PARD3: variants seen among roughly 807,000 people sequenced by gnomAD.
The protein encoded by PARD3 is partitioning defective 3 homolog.
A neutral mutation model predicts 155.4 loss-of-function variants in PARD3; 75 were observed. That is an observed-to-expected ratio of 0.48 (90% CI 0.40 to 0.58). The LOEUF (loss-of-function observed/expected upper bound fraction) is 0.58. Among genes scored for constraint, PARD3 ranks in the 20% least tolerant of loss-of-function variants. PARD3 has a pLI of 0.00. For missense variants in PARD3, 1,642 were observed against 1,721.7 expected, an observed-to-expected ratio of 0.95 and a Z score of 0.82; for synonymous variants, 576 against 610.5, an observed-to-expected ratio of 0.94 and a Z score of 0.83.
At chr10:34,485,275 C>T (rs532202162) in intron 3 of PARD3, among the ~76,000 whole-genome samples, 5 of 151,452 alleles carry the variant, frequency 3.3e-5, no homozygotes, top group Non-Finnish European at 7.4e-5. Context: ...GAGGCAGAGG[C>T]GGCAGTGAGC....
intron 1 of PARD3, among the ~76,000 whole-genome samples, chr10:34,791,839 C>T (rs1045555575): frequency 1.3e-5 from 2 of 149,342 alleles, no homozygotes; most frequent in Non-Finnish European, 1.5e-5. Context: ...GACCCTGCCT[C>T]GTTTAAAAAA....
At chr10:34,339,501 A>G (rs1255657084) in intron 16 of PARD3, among the ~76,000 whole-genome samples, 3 of 152,220 alleles carry the variant, frequency 2.0e-5, no homozygotes, top group African/African-American at 4.8e-5. Context: ...GTCACTGCCA[A>G]TCTCGCCTGA....
intron 1 of PARD3, among the ~76,000 whole-genome samples, chr10:34,731,295 T>C (rs1255829105): frequency 6.6e-6 from 1 of 152,346 alleles, no homozygotes; most frequent in East Asian, 1.9e-4. Flanking sequence ...AGACCCTCAG[T>C]TGCCTACAGA....
rs116919560 is a variant in PARD3, at chr10:34,418,911, C to T, written c.715-16994G>A. 6.1e-5 allele frequency among the ~76,000 whole-genome samples: 9 copies of T among 147,352 alleles called. No homozygotes were observed. The East Asian group carries it at 1.8e-3, about 29-fold the overall frequency. On this transcript the variant is annotated intron_variant, in intron 5 of 24. Transcript: ENST00000374788. ...TCTGCCTCCTGAATAGCTGGAACTA[C>T]AGGCACATGTCACCATAACAGGCTA...
At chr10:34,181,192 T>C (rs1047068642) in intron 22 of PARD3, among the ~76,000 whole-genome samples, 1 of 152,164 alleles carries the variant, frequency 6.6e-6, no homozygotes, top group Non-Finnish European at 1.5e-5. Flanking sequence ...GAATATTCTG[T>C]AGTGGATTTT....
intron 22 of PARD3, among the ~76,000 whole-genome samples, chr10:34,217,086 G>A (rs1372529994): frequency 6.6e-6 from 1 of 152,096 alleles, no homozygotes; most frequent in Non-Finnish European, 1.5e-5. Context: ...TAGTGTGATA[G>A]TGTGGGTGAT....
chr10:34,624,665 T>C (rs1467941131), intron 2 of PARD3, among the ~76,000 whole-genome samples: 4 of 152,146 alleles, frequency 2.6e-5, no homozygotes, highest in Non-Finnish European at 5.9e-5. Context: ...GACAGGAGGA[T>C]GATGGTGGAG....
At chr10:34,197,845 C>A (rs1388222260) in intron 22 of PARD3, among the ~76,000 whole-genome samples, 1 of 152,134 alleles carries the variant, frequency 6.6e-6, no homozygotes, top group Non-Finnish European at 1.5e-5. Flanking sequence ...TTCTCCTGCC[C>A]CAGCCTCCCG....
intron 3 of PARD3, among the ~76,000 whole-genome samples, chr10:34,477,990 C>T (rs1442697312): frequency 6.6e-6 from 1 of 152,192 alleles, no homozygotes; most frequent in Non-Finnish European, 1.5e-5. Flanking sequence ...CAAAACCAAC[C>T]TTCAGATATG....
At chr10:34,352,365 T>G (rs1264186674) in intron 14 of PARD3, among the ~76,000 whole-genome samples, 2 of 152,050 alleles carry the variant, frequency 1.3e-5, no homozygotes, top group Non-Finnish European at 2.9e-5. Flanking sequence ...CCCCTCTCCC[T>G]CCACTTTCCA....
intron 20 of PARD3, among the ~76,000 whole-genome samples, chr10:34,302,831 G>A (rs546483603): frequency 6.6e-6 from 1 of 152,028 alleles, no homozygotes; most frequent in East Asian, 1.9e-4. Context: ...TCTAGTCTGC[G>A]CTAGGCCCAT....
At chr10:34,241,627 A>G (rs2133659792) in intron 22 of PARD3, among the ~76,000 whole-genome samples, 1 of 152,330 alleles carries the variant, frequency 6.6e-6, no homozygotes, top group East Asian at 1.9e-4. Context: ...CACAGCTGCA[A>G]TGAAGGGCCA....
chr10:34,646,932 T>C (rs2092856261), intron 2 of PARD3, among the ~76,000 whole-genome samples: 1 of 152,154 alleles, frequency 6.6e-6, no homozygotes, highest in Non-Finnish European at 1.5e-5. Context: ...ATTACTGTCT[T>C]CCTCCCCAAA....
intron 1 of PARD3, among the ~76,000 whole-genome samples, chr10:34,783,821 T>A (rs1840592836): frequency 6.6e-6 from 1 of 152,130 alleles, no homozygotes; most frequent in Admixed American, 6.6e-5. Context: ...TTTTTTTTTC[T>A]AACTACTTGG....
At chr10:34,338,282 A>C (rs1836415095) in intron 16 of PARD3, among the ~76,000 whole-genome samples, 1 of 152,220 alleles carries the variant, frequency 6.6e-6, no homozygotes, top group African/African-American at 2.4e-5. Flanking sequence ...GTGTTCCTCC[A>C]ACGCAAGTGG....
chr10:34,417,562 GATTA>G (rs1034196798), intron 5 of PARD3, among the ~76,000 whole-genome samples: 5 of 152,116 alleles, frequency 3.3e-5, no homozygotes, highest in African/African-American at 9.7e-5. Flanking sequence ...GAAGGTAATG[GATTA>G]ATTATTTTCA....
chr10:34,516,639 C>T (rs545192231), intron 3 of PARD3, among the ~76,000 whole-genome samples: 4 of 152,192 alleles, frequency 2.6e-5, no homozygotes, highest in Non-Finnish European at 4.4e-5. Flanking sequence ...AATGATGCTA[C>T]GTTTTGTTTC....
chr10:34,384,937 A>AT (rs1357982575), intron 7 of PARD3, among the ~76,000 whole-genome samples: 3 of 152,160 alleles, frequency 2.0e-5, no homozygotes, highest in African/African-American at 7.2e-5. Flanking sequence ...TCTCTTCCAC[A>AT]TATGTACTCA....
At chr10:34,464,090 T>C (rs1326107028) in intron 4 of PARD3, among the ~76,000 whole-genome samples, 1 of 150,504 alleles carries the variant, frequency 6.6e-6, no homozygotes, top group African/African-American at 2.5e-5. Flanking sequence ...AACCATACTT[T>C]GTTTTCAGCT....
Sources: allele counts gnomAD v4.1 joint callset (sites outside exome capture counted in the v4.1 genomes callset), GRCh38; gene constraint gnomAD v4.1.1; transcripts MANE v1.5; gene names NCBI Gene and HGNC (gene_info 2026-07-23, HGNC 2026-07-21).